The following THUMPD3 variants were observed in gnomAD, a reference collection of about 807,000 sequenced individuals.
THUMPD3 encodes the protein THUMP domain 3 tRNA guanosine methyltransferase.
THUMPD3 carries 44 observed loss-of-function variants against 54.5 expected under a neutral mutation model. The observed-to-expected ratio is 0.81, with a 90% CI of 0.63 to 1.04. THUMPD3 has a LOEUF of 1.04. Ranked by LOEUF, THUMPD3 falls within the 50% of genes least tolerant of loss-of-function variation. The probability of loss-of-function intolerance (pLI) is 0.00; values close to 1 mark genes in which losing one functional copy is unlikely to be tolerated. For missense variants in THUMPD3, 604 were observed against 601.3 expected (o/e 1.00, Z -0.05); for synonymous variants, 196 against 201.4 (o/e 0.97, Z 0.23).
At chr3:9,369,330 A>AAAAAAG (rs2031839416) in intron 3 of THUMPD3, among the ~76,000 whole-genome samples, 1 of 151,066 alleles carries the variant, frequency 6.6e-6, no homozygotes, top group Non-Finnish European at 1.5e-5. Context: ...AAAAAAAAAA[A>AAAAAAG]AAAGAAAGAA....
rs1053394487 is a variant in THUMPD3 at position 9,371,481 on chromosome 3, G to A, written c.752G>A (p.Gly251Asp). 6.2e-7 allele frequency: 1 copy of A among 1,614,130 alleles called. No homozygotes were observed. The highest frequency in any genetic ancestry group is 8.5e-7 in the Non-Finnish European group (1 of 1,180,016). ...TSNEAARDFG[G>D]AVQDYFKWKA... ...AATGAGGCTGCAAGAGATTTTGGGG[G>A]TGCTGTTCAAGATTATTTTAAGTGG... is the stretch of plus-strand genomic sequence containing the variant. Residue 251 changes from glycine (G) to aspartate (D), a missense_variant, in exon 4 of 10, where the codon GGT (glycine) becomes GAT (aspartate). Physicochemically the swap from Gly to Asp is moderately conservative, Grantham distance 94 (BLOSUM62 -1). Transcript: ENST00000452837.
chr3:9,365,444 T>A, intron 2 of THUMPD3, 124 bp downstream of exon 2: 1 of 1,220,686 alleles, frequency 8.2e-7, no homozygotes. Flanking sequence ...CAGGTGATTT[T>A]AAAGTTACTG....
At chr3:9,380,749 T>C (rs2032822063) in intron 7 of THUMPD3, 131 bp downstream of exon 7, 1 of 485,132 alleles carries the variant, frequency 2.1e-6, no homozygotes, top group Non-Finnish European at 3.6e-6. Context: ...TGAGACTCCA[T>C]TTACATTTTT....
rs572698830 is a variant in THUMPD3, at chr3:9,375,517, T to A, written c.938+871T>A. Among the ~76,000 whole-genome samples the A allele has an allele frequency of 5.3e-5, 8 of 152,360 alleles. No homozygotes were observed. The East Asian group carries it at 1.3e-3, about 26-fold the overall frequency. ...TTCTCTAAAGCTTCTGTTTTCCAGA[T>A]GGCAAAATGGATTTGATGTGAGACT... is the stretch of plus-strand genomic sequence containing the variant. On this transcript the variant is annotated intron_variant, in intron 5 of 9. Coordinates refer to ENST00000452837, the MANE Select transcript of THUMPD3 (RefSeq NM_001114092.2).
rs927404724 is a variant in THUMPD3 at position 9,384,691 on chromosome 3, A to G, written c.*3A>G. On this transcript the variant is annotated 3_prime_UTR_variant, in exon 10 of 10. Coordinates refer to ENST00000452837, the MANE Select transcript of THUMPD3 (RefSeq NM_001114092.2). ...CTCTTTGGCAATGCAAAGAATGAAGATGACTAATAGTACTTGTACTTCCCA... is the reference window on the plus strand; with the variant it reads ...CTCTTTGGCAATGCAAAGAATGAAGGTGACTAATAGTACTTGTACTTCCCA... 1 of 1,614,190 alleles carries G rather than the reference A, an allele frequency of 6.2e-7. No homozygotes were observed. Among genetic ancestry groups the G allele is most frequent in the Non-Finnish European group, 8.5e-7 (1 of 1,180,030 alleles).
Position 9,380,564 on chromosome 3 carries a change from A to G in THUMPD3, c.1070A>G (p.Asn357Ser), listed in dbSNP as rs2032805162. 1.2e-6 allele frequency: 2 copies of G among 1,613,928 alleles called. No homozygotes were observed. The highest frequency in any genetic ancestry group is 1.7e-6 in the Non-Finnish European group (2 of 1,179,888). The change falls in exon 7 of 10, where the codon AAT becomes AGT. Residue 357 changes from asparagine to serine, a missense_variant. Coordinates refer to ENST00000452837, the MANE Select transcript of THUMPD3 (RefSeq NM_001114092.2). ...GGTGATAATAATCCACTGGCTGTGA[A>G]TAGAGCAGCAAATAACATTGCATCT... ...IAGDNNPLAV[N>S]RAANNIASLL... is the part of the protein sequence containing the mutation.
At chr3:9,376,771 G>A (rs2032487785) in intron 5 of THUMPD3, among the ~76,000 whole-genome samples, 1 of 152,184 alleles carries the variant, frequency 6.6e-6, no homozygotes, top group Non-Finnish European at 1.5e-5. Context: ...TCATAAAGAG[G>A]ATAACAGTTA....
At position 9,386,466 on chromosome 3, in the gene THUMPD3, A is replaced by G. The variant is rs912778113; in HGVS notation, c.*1778A>G. 31 of 147,522 alleles carry G rather than the reference A, an allele frequency of 2.1e-4. No individual in the cohort carries two copies. The highest frequency in any genetic ancestry group is 7.3e-4 in the African/African-American group (29 of 39,992). 9.1% of individuals were successfully genotyped at this position (147,522 alleles called of 1,614,324 possible). A position where few individuals can be genotyped will look rare whatever the true frequency, so the allele number is the denominator to read the frequency against. On this transcript the variant is annotated 3_prime_UTR_variant, in exon 10 of 10. Transcript: ENST00000452837. ...GTTGAACAAGCGAGTATTTTCGCCTATTAGCTTAGTTTTTAAGGAAATCAT... is the reference window on the plus strand; with the variant it reads ...GTTGAACAAGCGAGTATTTTCGCCTGTTAGCTTAGTTTTTAAGGAAATCAT...
In THUMPD3 at chr3:9,380,601, G is replaced by A. The variant is rs774585432; in HGVS notation, c.1107G>A (p.Lys369=). Residue 369 remains lysine, a synonymous_variant, in exon 7 of 10, where the codon AAG becomes AAA. Coordinates refer to ENST00000452837, the MANE Select transcript of THUMPD3 (RefSeq NM_001114092.2). ...AANNIASLLT[K]SQIKEGKPSW... ...ATAACATTGCATCTTTATTGACCAA[G>A]AGCCAAATTAAAGAAGGGTAAAAAT... The A allele has an allele frequency of 3.7e-6, 6 of 1,611,398 alleles. No individual in the cohort carries two copies. The South Asian group carries it at 6.6e-5, about 18-fold the overall frequency.
chr3:9,374,458 T>A, intron 4 of THUMPD3, 58 bp from the exon 5 acceptor site: 2 of 1,590,280 alleles, frequency 1.3e-6, no homozygotes, highest in Non-Finnish European at 1.7e-6. Context: ...AAAGTCTTAT[T>A]ACTAAGCGCA....
At chr3:9,381,264 C>T (rs561562061) in intron 7 of THUMPD3, among the ~76,000 whole-genome samples, 1 of 152,266 alleles carries the variant, frequency 6.6e-6, no homozygotes, top group Admixed American at 6.5e-5. Flanking sequence ...TAAATTCCAT[C>T]GTATAGAAAT....
At chr3:9,380,075 C>T (rs1050973756) in intron 6 of THUMPD3, among the ~76,000 whole-genome samples, 8 of 152,106 alleles carry the variant, frequency 5.3e-5, no homozygotes, top group Non-Finnish European at 1.2e-4. Flanking sequence ...TTTCAAACCG[C>T]ATTAACTTAG....
At chr3:9,371,599 A>G in intron 4 of THUMPD3, 63 bp downstream of exon 4, 1 of 1,369,740 alleles carries the variant, frequency 7.3e-7, no homozygotes, top group Non-Finnish European at 1.0e-6. Flanking sequence ...GAATTTCCAG[A>G]CTAACCCAAT....
chr3:9,364,353 A>T (rs1036252113), intron 1 of THUMPD3, among the ~76,000 whole-genome samples: 1 of 151,094 alleles, frequency 6.6e-6, no homozygotes, highest in Non-Finnish European at 1.5e-5. Context: ...TTATTTATTT[A>T]TTTATTTTTT....
intron 2 of THUMPD3, 103 bp downstream of exon 2, chr3:9,365,423 C>G: frequency 1.4e-6 from 2 of 1,390,772 alleles, no homozygotes; most frequent in South Asian, 1.4e-5. Context: ...TTTCATTGCT[C>G]TGCCCCAAAT....
intron 6 of THUMPD3, among the ~76,000 whole-genome samples, chr3:9,378,261 G>A (rs1258004522): frequency 3.3e-5 from 5 of 152,326 alleles, no homozygotes; most frequent in African/African-American, 1.2e-4. Context: ...ATCCACTTAA[G>A]TTCCTAGAGG....
intron 4 of THUMPD3, among the ~76,000 whole-genome samples, chr3:9,371,937 T>TA (rs1235656665): frequency 6.6e-6 from 1 of 152,190 alleles, no homozygotes; most frequent in Non-Finnish European, 1.5e-5. Flanking sequence ...AGTGCAGTGG[T>TA]ACGATCTCAG....
chr3:9,384,149 T>G, intron 8 of THUMPD3, 63 bp from the exon 9 acceptor site: 1 of 1,560,464 alleles, frequency 6.4e-7, no homozygotes, highest in African/African-American at 1.4e-5. Flanking sequence ...TGTTTTTGTT[T>G]CATATAGTCC....
At chr3:9,376,203 T>C (rs1001610466) in intron 5 of THUMPD3, among the ~76,000 whole-genome samples, 7 of 152,174 alleles carry the variant, frequency 4.6e-5, no homozygotes, top group Non-Finnish European at 8.8e-5. Context: ...GAGGGGTTTA[T>C]TGGAAAGATA....
Sources: allele counts gnomAD v4.1 joint callset (sites outside exome capture counted in the v4.1 genomes callset), GRCh38; gene constraint gnomAD v4.1.1; transcripts MANE v1.5; gene names NCBI Gene and HGNC (gene_info 2026-07-23, HGNC 2026-07-21).